WAC: variants seen among roughly 807,000 people sequenced by gnomAD.
WAC encodes WW domain-containing adapter protein with coiled-coil.
Under a neutral mutation model 79.6 loss-of-function variants are expected in WAC, and 11 were observed. That is an observed-to-expected ratio of 0.14 (90% confidence interval 0.09 to 0.23). The LOEUF (loss-of-function observed/expected upper bound fraction) is 0.23. Ranked by LOEUF, WAC falls within the 10% of genes least tolerant of loss-of-function variation. The pLI is 1.00. For missense variants in WAC, 728 were observed against 773.5 expected, an observed-to-expected ratio of 0.94 and a Z score of 0.70; for synonymous variants, 304 against 276.9, an observed-to-expected ratio of 1.10 and a Z score of -0.97.
At chr10:28,568,535 C>T (rs923072807) in intron 3 of WAC, among the ~76,000 whole-genome samples, 7 of 152,084 alleles carry the variant, frequency 4.6e-5, no homozygotes, top group Non-Finnish European at 8.8e-5. Flanking sequence ...CACCCGCCAC[C>T]ATGCCAGGCT....
Position 28,590,702 on chromosome 10 carries a change from C to CT in WAC, c.498-9dup, listed in dbSNP as rs200420703. 1.2e-4 allele frequency: 190 copies of CT among 1,537,376 alleles called. No individual in the cohort carries two copies. Among genetic ancestry groups the CT allele is most frequent in the East Asian group, 1.2e-3 (50 of 40,696 alleles). ...CTTAATGTAATTTTTATATGTTTAT[C>CT]TTTTTTTTTATTTTTAGAGAACAGA... On this transcript the variant is annotated splice_polypyrimidine_tract_variant and intron_variant, in intron 5 of 13. Transcript: ENST00000354911.
intron 7 of WAC, 54 bp downstream of exon 7, chr10:28,596,095 C>A: frequency 1.3e-6 from 2 of 1,519,704 alleles, no homozygotes; most frequent in Non-Finnish European, 8.9e-7. Flanking sequence ...TAAGTTTCTT[C>A]TAAGTTTCTT....
chr10:28,543,249 C>T (rs1837160766), intron 3 of WAC, among the ~76,000 whole-genome samples: 1 of 152,104 alleles, frequency 6.6e-6, no homozygotes, highest in African/African-American at 2.4e-5. Context: ...AATATGTTGG[C>T]CACAAATGCA....
intron 3 of WAC, among the ~76,000 whole-genome samples, chr10:28,566,580 C>T (rs1305856655): frequency 1.3e-5 from 2 of 152,260 alleles, no homozygotes; most frequent in South Asian, 4.1e-4. Flanking sequence ...CCAGTGTATT[C>T]GAGAATGTCT....
chr10:28,558,518 AATTTT>A (rs1838122762), intron 3 of WAC, among the ~76,000 whole-genome samples: 1 of 152,154 alleles, frequency 6.6e-6, no homozygotes, highest in Admixed American at 6.5e-5. Context: ...GGGTTTGTTT[AATTTT>A]AATTCTTTTG....
Position 28,566,670 on chromosome 10 carries a change from A to G in WAC, c.275-16729A>G, listed in dbSNP as rs1307405191. 5.9e-5 allele frequency among the ~76,000 whole-genome samples: 9 copies of G among 152,344 alleles called. No individual in the cohort carries two copies. The East Asian group carries it at 1.2e-3, about 20-fold the overall frequency. On this transcript the variant is annotated intron_variant, in intron 3 of 13. Coordinates refer to ENST00000354911, the MANE Select transcript of WAC (RefSeq NM_016628.5). ...TCACATCCAGTTTTTTTCTCTTACC[A>G]TAAGACATTACTCCATTGTCTTCTG...
intron 3 of WAC, among the ~76,000 whole-genome samples, chr10:28,561,497 G>T (rs76826408): frequency 6.7e-6 from 1 of 148,596 alleles, no homozygotes; most frequent in South Asian, 2.1e-4. Context: ...ACTTTTAAAT[G>T]TTTTTTTTTT....
chr10:28,575,631 T>C (rs569518422), intron 3 of WAC, among the ~76,000 whole-genome samples: 1 of 152,360 alleles, frequency 6.6e-6, no homozygotes, highest in South Asian at 2.1e-4. Context: ...GTATGTCATC[T>C]TTGAGGAAAT....
intron 3 of WAC, among the ~76,000 whole-genome samples, chr10:28,564,207 A>G (rs752391004): frequency 9.9e-5 from 15 of 152,134 alleles, no homozygotes; most frequent in Non-Finnish European, 2.1e-4. Context: ...GGAGGTTGCA[A>G]TGAGCCAAGA....
chr10:28,538,451 G>A (rs540017744), intron 3 of WAC: 3 of 161,702 alleles, frequency 1.9e-5, no homozygotes, highest in South Asian at 1.2e-4. Flanking sequence ...TTGCGGTGGC[G>A]AGTGCCTGTA....
At chr10:28,553,672 G>A (rs1837827258) in intron 3 of WAC, among the ~76,000 whole-genome samples, 1 of 152,126 alleles carries the variant, frequency 6.6e-6, no homozygotes, top group South Asian at 2.1e-4. Context: ...TATAAGTAGA[G>A]TGTAAATATT....
At chr10:28,604,107 G>GT (rs1313608100) in intron 7 of WAC, among the ~76,000 whole-genome samples, 2 of 149,888 alleles carry the variant, frequency 1.3e-5, no homozygotes, top group Non-Finnish European at 3.0e-5. Context: ...TTTAAAATAA[G>GT]TTTAAGTTAA....
At chr10:28,568,569 A>G (rs1054854341) in intron 3 of WAC, among the ~76,000 whole-genome samples, 3 of 151,784 alleles carry the variant, frequency 2.0e-5, no homozygotes, top group African/African-American at 7.3e-5. Context: ...TAATACTTCA[A>G]GTTCTAGGGT....
At chr10:28,594,342 A>C (rs1589217317) in intron 6 of WAC, among the ~76,000 whole-genome samples, 1 of 152,192 alleles carries the variant, frequency 6.6e-6, no homozygotes, top group Non-Finnish European at 1.5e-5. Context: ...GTCTGTCTCT[A>C]AAGGTTTCTG....
At chr10:28,554,795 A>G (rs1034581033) in intron 3 of WAC, among the ~76,000 whole-genome samples, 1 of 152,108 alleles carries the variant, frequency 6.6e-6, no homozygotes, top group South Asian at 2.1e-4. Context: ...TTCATTGAAG[A>G]TGTTCTTTGA....
intron 3 of WAC, among the ~76,000 whole-genome samples, chr10:28,558,953 T>G (rs2132472023): frequency 6.6e-6 from 1 of 152,266 alleles, no homozygotes; most frequent in East Asian, 1.9e-4. Flanking sequence ...TTGGTGCAAA[T>G]CAACCCAGCT....
chr10:28,559,136 A>ATGTGTGTGTGTGTGTG (rs111740298), intron 3 of WAC, among the ~76,000 whole-genome samples: 9,787 of 146,606 alleles, frequency 0.067, 503 homozygotes, highest in East Asian at 0.22. Flanking sequence ...GAGAAACCTG[A>ATGTGTGTGTGTGTGTG]TGTGTGTGTG....
chr10:28,551,813 TG>T (rs1385095203), intron 3 of WAC, among the ~76,000 whole-genome samples: 16 of 148,630 alleles, frequency 1.1e-4, no homozygotes, highest in African/African-American at 3.5e-4. Flanking sequence ...TGTGTGTGTG[TG>T]TGTGTTTCTT....
Position 28,608,284 on chromosome 10 carries a change from G to C in WAC, c.1018G>C (p.Ala340Pro), listed in dbSNP as rs766358348. The stretch of plus-strand genomic sequence containing the variant: ...CCCCACATCTGCACCTCCAACATCT[G>C]CTTCAGCGGTCCCTGTTTCTCCTGT... ...LNPTSAPPTS[A>P]SAVPVSPVPQ... The change falls in exon 8 of 14, where the codon GCT becomes CCT. Residue 340 changes from alanine (A) to proline (P), a missense_variant. By Grantham distance (27) the Ala-to-Pro change is conservative. This residue lies in a region of WAC where 648 missense variants were observed against 661.5 expected (regional missense o/e 0.98). Coordinates refer to ENST00000354911, the MANE Select transcript of WAC (RefSeq NM_016628.5). The C allele has an allele frequency of 6.2e-7, 1 of 1,614,120 alleles. No individual in the cohort carries two copies. The highest frequency in any genetic ancestry group is 1.3e-5 in the African/African-American group (1 of 75,024).
Sources: gnomAD v4.1 joint callset for allele counts (sites outside exome capture counted in the v4.1 genomes callset) on GRCh38, gnomAD v4.1.1 for gene constraint, gnomAD v4.1.1 regional missense constraint, MANE v1.5 for transcripts, NCBI Gene and HGNC (gene_info 2026-07-23, HGNC 2026-07-21) for gene names.